The following TRAPPC3 variants were observed in gnomAD, a reference collection of about 807,000 sequenced individuals.
TRAPPC3 encodes trafficking protein particle complex 3.
Under a neutral mutation model 18.2 loss-of-function variants are expected in TRAPPC3, and 5 were observed. That is an observed-to-expected ratio of 0.28 (90% CI 0.14 to 0.58). The LOEUF (loss-of-function observed/expected upper bound fraction) is 0.58, where lower values mean the gene tolerates loss of function less well. Ranked by LOEUF, TRAPPC3 falls within the 20% of genes least tolerant of loss-of-function variation. The pLI, the probability that TRAPPC3 is intolerant of heterozygous loss-of-function variation, is 0.91. For synonymous variants in TRAPPC3, 65 were observed against 84.2 expected, an observed-to-expected ratio of 0.77 and a Z score of 1.25; for missense variants, 176 against 225.9, an observed-to-expected ratio of 0.78 and a Z score of 1.41.
chr1:36,153,031 C>A (rs1644283332), upstream of TRAPPC3, among the ~76,000 whole-genome samples: 1 of 152,228 alleles, frequency 6.6e-6, no homozygotes, highest in Non-Finnish European at 1.5e-5. Flanking sequence ...GAACAGCTCA[C>A]TCATGCCTGT....
At chr1:36,147,872 G>A (rs1453481126) in intron 1 of TRAPPC3, among the ~76,000 whole-genome samples, 1 of 152,082 alleles carries the variant, frequency 6.6e-6, no homozygotes, top group African/African-American at 2.4e-5. Flanking sequence ...TGGGGGCTGG[G>A]GGTAGAGTCT....
chr1:36,138,616 C>G (rs551058808), intron 3 of TRAPPC3, among the ~76,000 whole-genome samples: 6 of 152,258 alleles, frequency 3.9e-5, no homozygotes, highest in Non-Finnish European at 7.4e-5. Context: ...TAATAGTAAA[C>G]ATTTACTATA....
chr1:36,139,598 A>G lies in TRAPPC3; in HGVS notation c.240+122T>C, dbSNP rs577353015. ...ACGACCTGGAATGTTTTTTTGACCC[A>G]AAGAGCTGCCTAGCCAGTCTTTTGG... On this transcript the variant is annotated intron_variant, in intron 3 of 4. Coordinates refer to ENST00000373166, the MANE Select transcript of TRAPPC3 (RefSeq NM_014408.5). The G allele has an allele frequency of 7.3e-6, 10 of 1,369,798 alleles. No homozygotes were observed. The East Asian group carries it at 2.0e-4, about 27-fold the overall frequency. The allele number at this position is 1,369,798 out of a possible 1,614,324, so 84.9% of individuals were successfully genotyped here. A position where few individuals can be genotyped will look rare whatever the true frequency, so the allele number is the denominator to read the frequency against.
intron 1 of TRAPPC3, 78 bp downstream of exon 1, chr1:36,149,259 C>A: frequency 6.3e-7 from 1 of 1,594,468 alleles, no homozygotes. Context: ...TCCAAACGCA[C>A]CTCGCGCTCG....
chr1:36,137,968 T>C lies in TRAPPC3; in HGVS notation c.251A>G (p.Lys84Arg). ...GCTTGGAGTGATGCCCAAGTACATC[T>C]TGAACGCCACCTGTCAGGGGACACA... is the stretch of plus-strand genomic sequence containing the variant. ...TADVIAKVAF[K>R]MYLGITPSIT... is the part of the protein sequence containing the mutation. The change falls in exon 4 of 5, where the codon AAG (lysine) becomes AGG (arginine). Residue 84 changes from lysine (K) to arginine (R), a missense_variant. Lys to Arg is a conservative substitution (Grantham distance 26). Coordinates refer to ENST00000373166, the MANE Select transcript of TRAPPC3 (RefSeq NM_014408.5). The C allele has an allele frequency of 6.2e-7, 1 of 1,613,922 alleles. No individual in the cohort carries two copies. Among genetic ancestry groups the C allele is most frequent in the Non-Finnish European group, 8.5e-7 (1 of 1,179,912 alleles).
At chr1:36,138,740 G>C (rs1644062265) in intron 3 of TRAPPC3, among the ~76,000 whole-genome samples, 1 of 152,050 alleles carries the variant, frequency 6.6e-6, no homozygotes, top group Non-Finnish European at 1.5e-5. Flanking sequence ...TTAAAGATGA[G>C]GTAACTGGTG....
At chr1:36,144,821 G>A (rs1319003660) in intron 1 of TRAPPC3, among the ~76,000 whole-genome samples, 1 of 152,194 alleles carries the variant, frequency 6.6e-6, no homozygotes, top group East Asian at 1.9e-4. Flanking sequence ...TAATGGACTT[G>A]AATGTGCTTT....
intron 3 of TRAPPC3, among the ~76,000 whole-genome samples, chr1:36,138,675 C>T (rs1470692969): frequency 2.0e-5 from 3 of 152,088 alleles, no homozygotes; most frequent in Admixed American, 6.5e-5. Context: ...TGTTCATGTC[C>T]ATTATTCATT....
intron 1 of TRAPPC3, among the ~76,000 whole-genome samples, chr1:36,143,509 G>C (rs755185436): frequency 1.2e-4 from 18 of 152,138 alleles, no homozygotes; most frequent in African/African-American, 4.3e-4. Context: ...TGAAGACCTG[G>C]GTTTTCAGCC....
Position 36,140,427 on chromosome 1 carries a change from T to C in TRAPPC3, c.43-261A>G, listed in dbSNP as rs74066051. The C allele has an allele frequency of 7.7e-3, 2,490 of 324,966 alleles. 49 individuals are homozygous for C. Among genetic ancestry groups the C allele is most frequent in the African/African-American group, 0.048 (2,250 of 47,192 alleles). The allele number at this position is 324,966 out of a possible 1,614,324, so 20.1% of individuals were successfully genotyped here. ...ACTCTTCCAACACACCAAGGTAGGC[T>C]TCTGCCAACCCAAGTCTCCACCACA... is the stretch of plus-strand genomic sequence containing the variant. On this transcript the variant is annotated intron_variant, in intron 1 of 4. Coordinates refer to ENST00000373166, the MANE Select transcript of TRAPPC3 (RefSeq NM_014408.5).
chr1:36,142,568 G>A (rs1420529413), intron 1 of TRAPPC3, among the ~76,000 whole-genome samples: 1 of 152,156 alleles, frequency 6.6e-6, no homozygotes, highest in Non-Finnish European at 1.5e-5. Flanking sequence ...CAGATCTGTT[G>A]GTGGTCATGG....
upstream of TRAPPC3, among the ~76,000 whole-genome samples, chr1:36,151,027 CGGT>C (rs1644266998): frequency 2.0e-5 from 3 of 152,188 alleles, no homozygotes; most frequent in Admixed American, 2.0e-4. Context: ...TCAAGCAGGG[CGGT>C]TCTAGAGAGA....
chr1:36,148,900 C>G (rs1160757759), intron 1 of TRAPPC3, among the ~76,000 whole-genome samples: 1 of 152,118 alleles, frequency 6.6e-6, no homozygotes, highest in Non-Finnish European at 1.5e-5. Context: ...TGGAGTTAAA[C>G]ACGGGTCCAA....
chr1:36,149,069 T>A, intron 1 of TRAPPC3: 1 of 1,381,324 alleles, frequency 7.2e-7, no homozygotes, highest in Admixed American at 3.0e-5. Context: ...AGAAGTTAAG[T>A]GGCAGTTATT....
At chr1:36,151,033 T>C (rs986352357), upstream of TRAPPC3, among the ~76,000 whole-genome samples, 2 of 152,216 alleles carry the variant, frequency 1.3e-5, no homozygotes, top group Non-Finnish European at 2.9e-5. Context: ...AGGGCGGTTC[T>C]AGAGAGAGTG....
intron 1 of TRAPPC3, among the ~76,000 whole-genome samples, chr1:36,148,431 C>T (rs779046458): frequency 2.2e-4 from 34 of 152,276 alleles, no homozygotes; most frequent in Admixed American, 5.9e-4. Flanking sequence ...CCCATCTCTA[C>T]TAAAAATACA....
chr1:36,147,976 C>T (rs1644225704), intron 1 of TRAPPC3, among the ~76,000 whole-genome samples: 1 of 152,188 alleles, frequency 6.6e-6, no homozygotes, highest in African/African-American at 2.4e-5. Flanking sequence ...AAGACCTCTA[C>T]TCATCTCATA....
intron 1 of TRAPPC3, among the ~76,000 whole-genome samples, chr1:36,146,126 G>A (rs549345122): frequency 6.7e-5 from 10 of 149,558 alleles, no homozygotes; most frequent in Non-Finnish European, 1.0e-4. Context: ...ATCGCCAGGC[G>A]GGAGTGCCGT....
upstream of TRAPPC3, among the ~76,000 whole-genome samples, chr1:36,151,285 G>A: frequency 6.6e-6 from 1 of 152,170 alleles, no homozygotes; most frequent in East Asian, 1.9e-4. Context: ...CACATTGGGA[G>A]GCAAAGGCAG....
Sources: allele counts gnomAD v4.1 joint callset (sites outside exome capture counted in the v4.1 genomes callset), GRCh38; gene constraint gnomAD v4.1.1; transcripts MANE v1.5; gene names NCBI Gene and HGNC (gene_info 2026-07-23, HGNC 2026-07-21).